The following CYP4F3 variants were observed in gnomAD, a reference collection of about 807,000 sequenced individuals.
CYP4F3 encodes cytochrome P450 family 4 subfamily F member 3, also known as cytochrome P450 4F3.
CYP4F3 carries 50 observed loss-of-function variants against 54.8 expected under a neutral mutation model. The ratio of observed to expected loss-of-function variants is 0.91; its 90% confidence interval spans 0.73 to 1.16. CYP4F3 has a LOEUF of 1.16. Among genes scored for constraint, CYP4F3 ranks in the 50% most tolerant of loss-of-function variants. CYP4F3 has a pLI of 0.00. For synonymous variants in CYP4F3, 244 were observed against 262.6 expected, an observed-to-expected ratio of 0.93 and a Z score of 0.69; for missense variants, 715 against 676.2, an observed-to-expected ratio of 1.06 and a Z score of -0.64.
At position 15,642,686 on chromosome 19, in the gene CYP4F3, G is replaced by A. The variant is rs150716567; in HGVS notation, c.198+1073G>A. 5.3e-5 allele frequency among the ~76,000 whole-genome samples: 8 copies of A among 152,342 alleles called. No homozygotes were observed. The East Asian group carries it at 9.6e-4, about 18-fold the overall frequency. ...TCCTTCTGCCTTGGGATGCGCTCTT[G>A]GGACTTGGGGGTGGCCCCAAGAGAG... is the stretch of plus-strand genomic sequence containing the variant. On this transcript the variant is annotated intron_variant, in intron 2 of 12. Coordinates refer to ENST00000221307, the MANE Select transcript of CYP4F3 (RefSeq NM_000896.3).
At chr19:15,658,848 A>C (rs775078525) in intron 12 of CYP4F3, 39 bp downstream of exon 12, 1 of 1,607,344 alleles carries the variant, frequency 6.2e-7, no homozygotes, top group African/African-American at 1.3e-5. Context: ...ACGGGGAGAT[A>C]GGTGCAGGGG....
At chr19:15,642,304 G>A (rs1284554955) in intron 2 of CYP4F3, among the ~76,000 whole-genome samples, 1 of 152,206 alleles carries the variant, frequency 6.6e-6, no homozygotes, top group African/African-American at 2.4e-5. Flanking sequence ...GGGTGCACAG[G>A]ATGCACTAGC....
chr19:15,652,524 A>G, intron 7 of CYP4F3, 45 bp from the exon 8 acceptor site: 2 of 1,494,516 alleles, frequency 1.3e-6, no homozygotes, highest in Middle Eastern at 1.8e-4. Flanking sequence ...AGGTACTGTG[A>G]CTTTTTATGG....
chr19:15,649,810 C>A, intron 6 of CYP4F3, 103 bp from the exon 7 acceptor site: 1 of 1,504,040 alleles, frequency 6.6e-7, no homozygotes, highest in Non-Finnish European at 9.0e-7. Flanking sequence ...TTCCTGGATA[C>A]CCCGTTTACT....
At position 15,646,955 on chromosome 19, in the gene CYP4F3, G is replaced by A. The variant is rs571191585; in HGVS notation, c.344-97G>A. ...TCTTCTTGCTATGTGGGGCTTGGAG[G>A]GAAGAAGTGCAAACCTCTTGCTGGG... On this transcript the variant is annotated intron_variant, in intron 3 of 12. Transcript: ENST00000221307. 15 of 1,537,794 alleles carry A rather than the reference G, an allele frequency of 9.8e-6. No homozygotes were observed. In the Admixed American group the frequency reaches 2.6e-4, roughly 26 times the overall value.
chr19:15,646,166 G>A (rs887617812), intron 3 of CYP4F3, among the ~76,000 whole-genome samples: 4 of 152,266 alleles, frequency 2.6e-5, no homozygotes, highest in African/African-American at 4.8e-5. Context: ...TGTTATACCC[G>A]GTTACATCTG....
chr19:15,645,876 C>T lies in CYP4F3; in HGVS notation c.343+13C>T. 1.3e-6 allele frequency: 2 copies of T among 1,593,698 alleles called. No homozygotes were observed. Among genetic ancestry groups the T allele is most frequent in the Non-Finnish European group, 8.6e-7 (1 of 1,168,116 alleles). ...CTCTTTGCTCCAGGTAGACACTGCA[C>T]TGGCCACTCCAGGTAGACACTGCAC... On this transcript the variant is annotated intron_variant, in intron 3 of 12. Coordinates refer to ENST00000221307, the MANE Select transcript of CYP4F3 (RefSeq NM_000896.3).
intron 9 of CYP4F3, among the ~76,000 whole-genome samples, chr19:15,655,516 T>TTATGACAAAAATGAAGTTCC (rs1478688422): frequency 6.6e-6 from 1 of 152,196 alleles, no homozygotes; most frequent in Non-Finnish European, 1.5e-5. Flanking sequence ...TCGAAAGACT[T>TTATGACAAAAATGAAGTTCC]TATGACAAAA....
chr19:15,644,016 A>G, intron 2 of CYP4F3: 1 of 1,601,948 alleles, frequency 6.2e-7, no homozygotes, highest in Admixed American at 1.7e-5. Flanking sequence ...CGTTTTTGCC[A>G]CCCCAACATC....
At position 15,652,930 on chromosome 19, in the gene CYP4F3, C is replaced by G. The variant is rs753746588; in HGVS notation, c.1093C>G (p.Arg365Gly). The G allele has an allele frequency of 2.5e-6, 4 of 1,611,016 alleles. No individual in the cohort carries two copies. Among genetic ancestry groups the G allele is most frequent in the Non-Finnish European group, 1.7e-6 (2 of 1,178,378 alleles). The change falls in exon 9 of 13, where the codon CGT becomes GGT. Residue 365 changes from arginine (R) to glycine (G), a missense_variant. Coordinates refer to ENST00000221307, the MANE Select transcript of CYP4F3 (RefSeq NM_000896.3). Reference sequence around the variant, plus strand: ...GGAGGTGCAAGAGCTTCTGAAGGACCGTGAGCCTAAAGAGATTGAATGGTG... The same window carrying G: ...GGAGGTGCAAGAGCTTCTGAAGGACGGTGAGCCTAAAGAGATTGAATGGTG... ...RQEVQELLKD[R>G]EPKEIEWDDL... is the part of the protein sequence containing the mutation.
chr19:15,645,569 G>A, intron 2 of CYP4F3, 150 bp from the exon 3 acceptor site: 1 of 1,000,144 alleles, frequency 1.0e-6, no homozygotes, highest in Non-Finnish European at 1.4e-6. Context: ...TGGAGGATGT[G>A]AGGAGGAAGC....
Position 15,659,454 on chromosome 19 carries a change from A to G in CYP4F3, c.*69A>G. The G allele has an allele frequency of 3.2e-6, 5 of 1,564,010 alleles. No individual in the cohort carries two copies. Among genetic ancestry groups the G allele is most frequent in the Non-Finnish European group, 4.3e-6 (5 of 1,154,354 alleles). Reference sequence around the variant, plus strand: ...TTCATCAAAAGTGAGGCCTAGAATTACCCTAAGACCCTGTTCCACAGTCCT... The same window carrying G: ...TTCATCAAAAGTGAGGCCTAGAATTGCCCTAAGACCCTGTTCCACAGTCCT... On this transcript the variant is annotated 3_prime_UTR_variant, in exon 13 of 13. Coordinates refer to ENST00000221307, the MANE Select transcript of CYP4F3 (RefSeq NM_000896.3).
intron 2 of CYP4F3, among the ~76,000 whole-genome samples, chr19:15,642,904 GGATGGAT>G (rs1568391028): frequency 2.6e-5 from 4 of 151,708 alleles, no homozygotes; most frequent in East Asian, 3.9e-4. Context: ...ATGGATGGAT[GGATGGAT>G]GGATGGATGG....
intron 6 of CYP4F3, 100 bp from the exon 7 acceptor site, chr19:15,649,813 C>T (rs144295345): frequency 1.4e-5 from 21 of 1,526,528 alleles, no homozygotes; most frequent in Middle Eastern, 1.8e-4. Context: ...CTGGATACCC[C>T]GTTTACTGAT....
intron 9 of CYP4F3, among the ~76,000 whole-genome samples, chr19:15,656,043 A>G (rs1973001427): frequency 6.6e-6 from 1 of 152,110 alleles, no homozygotes; most frequent in South Asian, 2.1e-4. Flanking sequence ...TGAAGCTTCT[A>G]CCCTTTGACC....
rs569945305 is a variant in CYP4F3 at position 15,641,542 on chromosome 19, G to T, written c.127G>T (p.Asp43Tyr). Reference sequence around the variant, plus strand: ...CCTGGCCTGGACCTATACCTTCTATGACAACTGCTGCCGCCTCCGGTGTTT... The same window carrying T: ...CCTGGCCTGGACCTATACCTTCTATTACAACTGCTGCCGCCTCCGGTGTTT... ...RILAWTYTFYDNCCRLRCFPQ... is the reference protein window; with the variant it reads ...RILAWTYTFYYNCCRLRCFPQ... Residue 43 changes from aspartate to tyrosine, a missense_variant, in exon 2 of 13, where the codon GAC becomes TAC. Physicochemically the swap from Asp to Tyr is radical, Grantham distance 160. Transcript: ENST00000221307. 2 of 1,614,184 alleles carry T rather than the reference G, an allele frequency of 1.2e-6. No homozygotes were observed. Among genetic ancestry groups the T allele is most frequent in the Admixed American group, 1.7e-5 (1 of 60,026 alleles).
chr19:15,658,963 G>C (rs1973112614), intron 12 of CYP4F3, among the ~76,000 whole-genome samples, 154 bp downstream of exon 12: 2 of 152,128 alleles, frequency 1.3e-5, no homozygotes, highest in Admixed American at 6.5e-5. Flanking sequence ...CCACAGAGTA[G>C]GATTGGGTTG....
In CYP4F3 at chr19:15,658,563, C is replaced by G. The variant is rs561438173; in HGVS notation, c.1314+8C>G. 360 of 1,613,930 alleles carry G rather than the reference C, an allele frequency of 2.2e-4. 3 individuals carry two copies. Among genetic ancestry groups the G allele is most frequent in the Middle Eastern group, 2.0e-3 (12 of 6,058 alleles). On this transcript the variant is annotated splice_region_variant and intron_variant, in intron 11 of 12. Transcript: ENST00000221307. Reference sequence around the variant, plus strand: ...GTGTGGCCGGACCCTGAGGTGCGGGCCCCCCGTCTCTGTTTTTGTCCATTC... The same window carrying G: ...GTGTGGCCGGACCCTGAGGTGCGGGGCCCCCGTCTCTGTTTTTGTCCATTC...
intron 7 of CYP4F3, 112 bp downstream of exon 7, chr19:15,650,295 T>C (rs753435650): frequency 1.1e-5 from 18 of 1,600,272 alleles, no homozygotes; most frequent in African/African-American, 6.7e-5. Context: ...TGGAAGGTGA[T>C]TGAGGAAGGG....
Sources: allele counts gnomAD v4.1 joint callset (sites outside exome capture counted in the v4.1 genomes callset), GRCh38; gene constraint gnomAD v4.1.1; transcripts MANE v1.5; gene names NCBI Gene and HGNC (gene_info 2026-07-23, HGNC 2026-07-21).